Variants in RELN observed in about 807,000 individuals in gnomAD.
RELN encodes reelin.
RELN carries 108 observed loss-of-function variants against 427.6 expected under a neutral mutation model. The observed-to-expected ratio is 0.25, with a 90% CI of 0.22 to 0.30. The LOEUF is 0.30. Among genes scored for constraint, RELN ranks in the 10% least tolerant of loss-of-function variants. RELN has a pLI of 1.00. For missense variants in RELN, 3,715 were observed against 4,302.8 expected (o/e 0.86, Z 3.82); for synonymous variants, 1,524 against 1,513.4 (o/e 1.01, Z -0.16).
At chr7:103,936,739 GACAGACACACACACAC>G (rs1795995100) in intron 1 of RELN, among the ~76,000 whole-genome samples, 1 of 92,082 alleles carries the variant, frequency 1.1e-5, no homozygotes, top group Non-Finnish European at 2.2e-5. Flanking sequence ...CAGACAGACA[GACAGACACACACACAC>G]ACACACACAC....
At chr7:103,982,428 C>G (rs140987951) in intron 1 of RELN, among the ~76,000 whole-genome samples, 85 of 152,072 alleles carry the variant, frequency 5.6e-4, no homozygotes, top group African/African-American at 2.0e-3. Flanking sequence ...AATAAATGTA[C>G]TGATTTGTTT....
intron 28 of RELN, among the ~76,000 whole-genome samples, chr7:103,584,667 T>C (rs1056130140): frequency 6.6e-6 from 1 of 151,658 alleles, no homozygotes; most frequent in African/African-American, 2.4e-5. Context: ...AGGCAGAAAA[T>C]GACCAAAGAA....
rs1160088116 is a variant in RELN at position 103,473,850 on chromosome 7, A to G, written c.10287-942T>C. ...GTGGCATCAATATGTGGTTTATGAG[A>G]GTGAGCCTATCAGTATATTTCAAAT... On this transcript the variant is annotated intron_variant, in intron 64 of 64. Transcript: ENST00000428762. Among the ~76,000 whole-genome samples the G allele has an allele frequency of 3.3e-5, 5 of 152,150 alleles. No homozygotes were observed. In the East Asian group the frequency reaches 9.6e-4, roughly 29 times the overall value.
intron 54 of RELN, 29 bp downstream of exon 54, chr7:103,498,048 T>C (rs1300484475): frequency 2.5e-6 from 4 of 1,611,564 alleles, no homozygotes; most frequent in East Asian, 2.2e-5. Context: ...TATGGTGCAA[T>C]AGAAATAACT....
At chr7:103,542,942 T>A (rs1830205746) in intron 42 of RELN, 64 bp from the exon 43 acceptor site, 2 of 1,510,912 alleles carry the variant, frequency 1.3e-6, no homozygotes, top group African/African-American at 2.7e-5. Context: ...ATTATATTTT[T>A]AAAAGGAGTA....
intron 3 of RELN, among the ~76,000 whole-genome samples, chr7:103,799,950 G>T (rs1792403111): frequency 6.6e-6 from 1 of 150,986 alleles, no homozygotes; most frequent in African/African-American, 2.5e-5. Context: ...GCAGAAAAGG[G>T]CTTCGAAAAA....
chr7:103,518,251 T>G (rs1829614665), intron 49 of RELN, among the ~76,000 whole-genome samples: 1 of 152,088 alleles, frequency 6.6e-6, no homozygotes, highest in Non-Finnish European at 1.5e-5. Context: ...AAATGATCAT[T>G]TATAAGATTC....
At chr7:103,813,565 C>T (rs916697968) in intron 3 of RELN, among the ~76,000 whole-genome samples, 1 of 148,828 alleles carries the variant, frequency 6.7e-6, no homozygotes. Flanking sequence ...AATTTTTGTA[C>T]ATACATATAT....
At chr7:103,668,455 GTAAGTGGCTTGCC>G (rs1174575934) in intron 11 of RELN, among the ~76,000 whole-genome samples, 1 of 152,092 alleles carries the variant, frequency 6.6e-6, no homozygotes, top group Non-Finnish European at 1.5e-5. Context: ...ACACACAAGG[GTAAGTGGCTTGCC>G]TAAGGCCAAC....
At chr7:103,714,012 C>G (rs1010564871) in intron 8 of RELN, among the ~76,000 whole-genome samples, 6 of 152,172 alleles carry the variant, frequency 3.9e-5, no homozygotes, top group African/African-American at 1.4e-4. Flanking sequence ...CATGGCAAGT[C>G]TAGGAATACT....
At position 103,820,970 on chromosome 7, in the gene RELN, T is replaced by C. The variant is rs187037611; in HGVS notation, c.473+12567A>G. 3.6e-3 allele frequency among the ~76,000 whole-genome samples: 550 copies of C among 152,276 alleles called. 6 individuals are homozygous for C. Among genetic ancestry groups the C allele is most frequent in the African/African-American group, 0.013 (527 of 41,566 alleles). On this transcript the variant is annotated intron_variant, in intron 3 of 64. Transcript: ENST00000428762. ...AATGTTTTATTCTTTTATTTTTTAG[T>C]GTTTTACTTATTTGTTAAAAAAAGT...
chr7:103,893,274 T>C (rs918576714), intron 2 of RELN, among the ~76,000 whole-genome samples: 2 of 152,122 alleles, frequency 1.3e-5, no homozygotes, highest in Non-Finnish European at 2.9e-5. Context: ...CCCAAGAATG[T>C]GTGTATCCAG....
chr7:103,887,001 T>C (rs9641319), intron 2 of RELN, among the ~76,000 whole-genome samples: 41,866 of 152,130 alleles, frequency 0.28, 6,004 homozygotes, highest in East Asian at 0.39. Context: ...GATTTTCTGT[T>C]TCATGCAGAT....
intron 8 of RELN, among the ~76,000 whole-genome samples, chr7:103,721,362 G>A: frequency 6.6e-6 from 1 of 151,984 alleles, no homozygotes; most frequent in Non-Finnish European, 1.5e-5. Flanking sequence ...ACAGTCCTCA[G>A]GCTTGTGGGG....
At chr7:103,579,569 G>A (rs563687012) in intron 28 of RELN, among the ~76,000 whole-genome samples, 28 of 149,988 alleles carry the variant, frequency 1.9e-4, no homozygotes, top group South Asian at 1.1e-3. Flanking sequence ...CCTGCACTCC[G>A]GTCTTGGTGA....
intron 6 of RELN, among the ~76,000 whole-genome samples, chr7:103,729,528 A>T (rs1016618415): frequency 2.0e-4 from 30 of 152,200 alleles, no homozygotes; most frequent in Non-Finnish European, 4.1e-4. Context: ...TTTAGAAAAA[A>T]CATAAATAAA....
chr7:103,704,201 C>T (rs553903701), intron 8 of RELN, among the ~76,000 whole-genome samples: 2 of 152,324 alleles, frequency 1.3e-5, no homozygotes, highest in Non-Finnish European at 1.5e-5. Context: ...AACTGTCACA[C>T]TATCACGTTG....
intron 6 of RELN, among the ~76,000 whole-genome samples, chr7:103,742,423 T>G (rs1418333461): frequency 6.6e-6 from 1 of 152,156 alleles, no homozygotes; most frequent in Non-Finnish European, 1.5e-5. Flanking sequence ...GGAGAATGAC[T>G]TTGACAAGTT....
At position 103,678,046 on chromosome 7, in the gene RELN, G is replaced by A. The variant is rs186851097; in HGVS notation, c.1289+4070C>T. Among the ~76,000 whole-genome samples the A allele has an allele frequency of 6.6e-5, 10 of 152,178 alleles. No homozygotes were observed. In the East Asian group the frequency reaches 1.4e-3, roughly 21 times the overall value. ...ATTTTCCGTCATTTCCAAGGATTTCGGGCAGGTGGGGAAGACTACAGCATA... is the reference window on the plus strand; with the variant it reads ...ATTTTCCGTCATTTCCAAGGATTTCAGGCAGGTGGGGAAGACTACAGCATA... On this transcript the variant is annotated intron_variant, in intron 11 of 64. Transcript: ENST00000428762.
Sources: gnomAD v4.1 joint callset for allele counts (sites outside exome capture counted in the v4.1 genomes callset) on GRCh38, gnomAD v4.1.1 for gene constraint, MANE v1.5 for transcripts, NCBI Gene and HGNC (gene_info 2026-07-23, HGNC 2026-07-21) for gene names.